The following ESRRG variants were observed in gnomAD, a reference collection of about 807,000 sequenced individuals.
The protein encoded by ESRRG is estrogen related receptor gamma, also known as estrogen-related receptor gamma.
Under a neutral mutation model 44.0 loss-of-function variants are expected in ESRRG, and 13 were observed. The observed-to-expected ratio is 0.30, with a 90% confidence interval of 0.19 to 0.47. The LOEUF is 0.47. ESRRG is among the 20% of genes least tolerant of loss of function. The pLI is 1.00. For missense variants in ESRRG, 395 were observed against 580.6 expected, an observed-to-expected ratio of 0.68 and a Z score of 3.29; for synonymous variants, 215 against 214.6, an observed-to-expected ratio of 1.00 and a Z score of -0.02.
chr1:217,083,334 G>A (rs372004244), intron 1 of ESRRG, among the ~76,000 whole-genome samples: 37 of 152,214 alleles, frequency 2.4e-4, no homozygotes, highest in African/African-American at 7.0e-4. Context: ...TTTACTACTC[G>A]GTATACTAAT....
intron 3 of ESRRG, among the ~76,000 whole-genome samples, chr1:216,570,734 A>G (rs532756710): frequency 6.6e-6 from 1 of 152,220 alleles, no homozygotes; most frequent in Non-Finnish European, 1.5e-5. Flanking sequence ...AGAGAGAGAA[A>G]CAATGACAGG....
intron 1 of ESRRG, among the ~76,000 whole-genome samples, chr1:217,023,239 T>C (rs1290623006): frequency 6.6e-6 from 1 of 152,148 alleles, no homozygotes; most frequent in Non-Finnish European, 1.5e-5. Context: ...ATTTCAGAAA[T>C]GGAATCAGCT....
chr1:216,579,669 G>GT (rs1339522125), intron 3 of ESRRG, among the ~76,000 whole-genome samples: 1 of 152,094 alleles, frequency 6.6e-6, no homozygotes, highest in Non-Finnish European at 1.5e-5. Flanking sequence ...TATATGAGGG[G>GT]TTGTAGGATG....
At chr1:216,624,090 C>A (rs1025455053) in intron 3 of ESRRG, among the ~76,000 whole-genome samples, 1 of 152,028 alleles carries the variant, frequency 6.6e-6, no homozygotes, top group African/African-American at 2.4e-5. Context: ...AGAAAAATAC[C>A]CAGGGAGGCA....
At chr1:216,947,248 C>T (rs886774881) in intron 1 of ESRRG, among the ~76,000 whole-genome samples, 1 of 152,200 alleles carries the variant, frequency 6.6e-6, no homozygotes, top group African/African-American at 2.4e-5. Flanking sequence ...GTTCTAGGCG[C>T]TTTACATTTT....
At chr1:216,540,018 T>C (rs1394051738) in intron 5 of ESRRG, among the ~76,000 whole-genome samples, 2 of 151,992 alleles carry the variant, frequency 1.3e-5, no homozygotes, top group East Asian at 3.9e-4. Flanking sequence ...CCAAGAAATT[T>C]AAAATAGGCC....
At chr1:216,551,309 A>T (rs2056272833) in intron 5 of ESRRG, among the ~76,000 whole-genome samples, 1 of 152,146 alleles carries the variant, frequency 6.6e-6, no homozygotes. Flanking sequence ...AATATATTGC[A>T]CATGGTATTT....
chr1:217,076,384 A>G (rs140280604), intron 1 of ESRRG, among the ~76,000 whole-genome samples: 2 of 152,250 alleles, frequency 1.3e-5, no homozygotes, highest in African/African-American at 4.8e-5. Context: ...CACACCAAAC[A>G]AACCACGAGG....
At chr1:216,832,701 T>A (rs1353750872) in intron 2 of ESRRG, among the ~76,000 whole-genome samples, 1 of 152,158 alleles carries the variant, frequency 6.6e-6, no homozygotes, top group Non-Finnish European at 1.5e-5. Flanking sequence ...CAGTGGCTCA[T>A]GCCGGTAATA....
intron 2 of ESRRG, among the ~76,000 whole-genome samples, chr1:216,733,081 T>A (rs1202385954): frequency 6.6e-6 from 1 of 151,212 alleles, no homozygotes; most frequent in Non-Finnish European, 1.5e-5. Context: ...AAAAAAAAAA[T>A]TCAACTTTAA....
At chr1:217,133,641 C>CTTTCCTTCTTTCTTTCTT (rs748711287) in intron 1 of ESRRG, among the ~76,000 whole-genome samples, 4 of 41,750 alleles carry the variant, frequency 9.6e-5, no homozygotes, top group Admixed American at 5.8e-4. Flanking sequence ...TTCTCTCTCT[C>CTTTCCTTCTTTCTTTCTT]TCTCTCTTTC....
At chr1:217,079,830 G>T (rs565332145) in intron 1 of ESRRG, among the ~76,000 whole-genome samples, 1 of 152,244 alleles carries the variant, frequency 6.6e-6, no homozygotes, top group African/African-American at 2.4e-5. Flanking sequence ...ATTAAGACAT[G>T]GTCTCTACCC....
chr1:217,119,000 T>C (rs1348981835), intron 1 of ESRRG, among the ~76,000 whole-genome samples: 4 of 120,212 alleles, frequency 3.3e-5, no homozygotes, highest in Non-Finnish European at 7.3e-5. Flanking sequence ...CTCTAGAAAC[T>C]AGATGGATAG....
At chr1:216,695,680 T>A (rs546276328) in intron 1 of ESRRG, among the ~76,000 whole-genome samples, 4 of 152,258 alleles carry the variant, frequency 2.6e-5, no homozygotes, top group African/African-American at 9.6e-5. Context: ...AATAAACACA[T>A]CATCTCTGTT....
chr1:216,811,722 A>G (rs1293415911), intron 2 of ESRRG, among the ~76,000 whole-genome samples: 1 of 152,194 alleles, frequency 6.6e-6, no homozygotes, highest in African/African-American at 2.4e-5. Flanking sequence ...TAAATTGTGC[A>G]TTATTTCTGG....
chr1:216,824,224 A>G (rs1041142272), intron 2 of ESRRG, among the ~76,000 whole-genome samples: 1 of 152,132 alleles, frequency 6.6e-6, no homozygotes, highest in African/African-American at 2.4e-5. Flanking sequence ...AGGCAGGCAG[A>G]TCATTTGAGG....
chr1:216,932,283 T>C (rs1271240218), intron 2 of ESRRG, among the ~76,000 whole-genome samples: 1 of 151,884 alleles, frequency 6.6e-6, no homozygotes, highest in Non-Finnish European at 1.5e-5. Context: ...ATATTGTTAG[T>C]ACACAAGAAG....
At chr1:216,775,551 C>CTTTTTTTTTTTTTTTTTTT (rs71163765) in intron 2 of ESRRG, among the ~76,000 whole-genome samples, 2 of 74,786 alleles carry the variant, frequency 2.7e-5, no homozygotes, top group Non-Finnish European at 5.7e-5. Flanking sequence ...AATGTCACAT[C>CTTTTTTTTTTTTTTTTTTT]TTTTTTTTTT....
At chr1:216,596,245 C>A (rs941051155) in intron 3 of ESRRG, among the ~76,000 whole-genome samples, 8 of 152,220 alleles carry the variant, frequency 5.3e-5, no homozygotes, top group African/African-American at 1.9e-4. Context: ...GAGAGCTTTT[C>A]ATCTTCAGGG....
Sources: allele counts gnomAD v4.1 joint callset (sites outside exome capture counted in the v4.1 genomes callset), GRCh38; gene constraint gnomAD v4.1.1; transcripts MANE v1.5; gene names NCBI Gene and HGNC (gene_info 2026-07-23, HGNC 2026-07-21).